PRSS57: variants seen among roughly 807,000 people sequenced by gnomAD.
The protein encoded by PRSS57 is serine protease 57, also known as neutrophil serine protease 4.
A neutral mutation model predicts 20.6 loss-of-function variants in PRSS57; 19 were observed. That is an observed-to-expected ratio of 0.92 (90% CI 0.64 to 1.35). The LOEUF (loss-of-function observed/expected upper bound fraction) is 1.35, where lower values mean the gene tolerates loss of function less well. Ranked by LOEUF, PRSS57 falls within the 40% of genes most tolerant of loss-of-function variation. PRSS57 has a pLI of 0.00. For missense variants in PRSS57, 440 were observed against 403.7 expected (o/e 1.09, Z -0.77); for synonymous variants, 203 against 176.6 (o/e 1.15, Z -1.19).
chr19:688,048 G>A (rs1197847760), intron 3 of PRSS57, among the ~76,000 whole-genome samples: 1 of 152,264 alleles, frequency 6.6e-6, no homozygotes, highest in Non-Finnish European at 1.5e-5. Context: ...TGAAGACTGA[G>A]TGACACCCCG....
At chr19:693,047 C>A (rs1169800966) in intron 2 of PRSS57, among the ~76,000 whole-genome samples, 1 of 151,644 alleles carries the variant, frequency 6.6e-6, no homozygotes, top group African/African-American at 2.4e-5. Flanking sequence ...CCTGCCTCAG[C>A]CTCCTGAATA....
At chr19:686,780 C>T (rs1345621601) in intron 4 of PRSS57, 145 bp downstream of exon 4, 3 of 1,042,412 alleles carry the variant, frequency 2.9e-6, no homozygotes, top group East Asian at 5.0e-5. Context: ...CCCTTGCCAA[C>T]TCCCTGCCTT....
At chr19:693,802 C>G (rs181553974) in intron 2 of PRSS57, among the ~76,000 whole-genome samples, 1 of 152,148 alleles carries the variant, frequency 6.6e-6, no homozygotes, top group East Asian at 1.9e-4. Context: ...TGCAGTGGCG[C>G]GATCTCGGCT....
At chr19:692,566 GCCA>G (rs888882682) in intron 2 of PRSS57, among the ~76,000 whole-genome samples, 35 of 151,292 alleles carry the variant, frequency 2.3e-4, no homozygotes, top group African/African-American at 7.8e-4. Flanking sequence ...ACAGGCGTGC[GCCA>G]CCACTCCCAG....
rs560135877 is a variant in PRSS57 at position 685,850 on chromosome 19, C to T, written c.715G>A (p.Gly239Ser). 2.8e-5 allele frequency: 43 copies of T among 1,560,234 alleles called. 1 individual carries two copies. The Middle Eastern group carries it at 6.6e-4, about 24-fold the overall frequency. The change falls in exon 5 of 5, where the codon GGC (glycine) becomes AGC (serine). Residue 239 changes from glycine to serine, a missense_variant. By Grantham distance (56) the Gly-to-Ser change is moderately conservative. Transcript: ENST00000329267. ...TACACGTCGGGGGTCTTGGGGTCGC[C>T]GCACCAGAGGCCCGAGAAGGAAACG... Reference protein sequence around the residue: ...GLVSFSGLWCGDPKTPDVYTQ... With the variant: ...GLVSFSGLWCSDPKTPDVYTQ...
At chr19:691,497 T>C (rs1406389942) in intron 3 of PRSS57, among the ~76,000 whole-genome samples, 1 of 120,952 alleles carries the variant, frequency 8.3e-6, no homozygotes, top group Non-Finnish European at 1.7e-5. Context: ...AGTTCGAGAC[T>C]CTGACTCAAA....
At position 692,350 on chromosome 19, in the gene PRSS57, C is replaced by T. The variant is rs1290905330; in HGVS notation, c.234-348G>A. ...CACCATTGCACTCCAGCCTGAGCGA[C>T]AGAACAAGACTCCGTCTCAAAAAAA... On this transcript the variant is annotated intron_variant, in intron 2 of 4. Coordinates refer to ENST00000329267, the MANE Select transcript of PRSS57 (RefSeq NM_001308209.2). Among the ~76,000 whole-genome samples, 9 of 149,852 alleles carry T rather than the reference C, an allele frequency of 6.0e-5. No individual in the cohort carries two copies. The South Asian group carries it at 1.9e-3, about 31-fold the overall frequency.
intron 3 of PRSS57, among the ~76,000 whole-genome samples, chr19:689,162 C>G (rs2031563964): frequency 8.3e-6 from 1 of 119,960 alleles, no homozygotes; most frequent in Admixed American, 7.8e-5. Flanking sequence ...AAGGGTGGTC[C>G]AGGGGTTAGC....
chr19:686,260 C>G (rs2031471746), intron 4 of PRSS57, among the ~76,000 whole-genome samples: 1 of 152,122 alleles, frequency 6.6e-6, no homozygotes, highest in Non-Finnish European at 1.5e-5. Flanking sequence ...ACAGGTCTCT[C>G]TGCCTTGCGT....
intron 2 of PRSS57, among the ~76,000 whole-genome samples, chr19:693,186 C>T (rs35313848): frequency 0.15 from 22,278 of 150,070 alleles, 1,775 homozygotes; most frequent in Non-Finnish European, 0.16. Context: ...CTGCCTCGGC[C>T]TCCCAAAGTG....
chr19:693,636 T>C (rs1405121174), intron 2 of PRSS57, among the ~76,000 whole-genome samples: 1 of 152,112 alleles, frequency 6.6e-6, no homozygotes, highest in Non-Finnish European at 1.5e-5. Flanking sequence ...TGGTGCCATC[T>C]CGGCTCACTG....
chr19:688,018 G>A (rs560703564), intron 3 of PRSS57, among the ~76,000 whole-genome samples: 1 of 152,350 alleles, frequency 6.6e-6, no homozygotes, highest in South Asian at 2.1e-4. Flanking sequence ...CCTGCAGCCT[G>A]TTGAGGCCGG....
chr19:692,603 G>C (rs1454516615), intron 2 of PRSS57, among the ~76,000 whole-genome samples: 1 of 151,694 alleles, frequency 6.6e-6, no homozygotes, highest in East Asian at 2.0e-4. Flanking sequence ...TTTCAGTAGA[G>C]ACAGGGTTTC....
intron 3 of PRSS57, among the ~76,000 whole-genome samples, chr19:689,836 T>G (rs10408751): frequency 0.47 from 71,531 of 151,964 alleles, 17,539 homozygotes; most frequent in Middle Eastern, 0.59. Context: ...GGCGGATCAC[T>G]TGAGGACCGG....
At chr19:692,891 T>C (rs1445834735) in intron 2 of PRSS57, among the ~76,000 whole-genome samples, 1 of 151,882 alleles carries the variant, frequency 6.6e-6, no homozygotes, top group Non-Finnish European at 1.5e-5. Flanking sequence ...AATTATAATA[T>C]TAACTACAGT....
chr19:693,229 C>CTTTT (rs1171032187), intron 2 of PRSS57, among the ~76,000 whole-genome samples: 2,590 of 108,664 alleles, frequency 0.024, 415 homozygotes, highest in Non-Finnish European at 0.029. Flanking sequence ...CCGCACCCGG[C>CTTTT]CTTTTTTTTT....
At chr19:692,790 G>A (rs112418024) in intron 2 of PRSS57, among the ~76,000 whole-genome samples, 5,805 of 151,820 alleles carry the variant, frequency 0.038, 180 homozygotes, top group East Asian at 0.16. Flanking sequence ...AGAATTAACT[G>A]CAATAGTTGT....
At chr19:693,230 C>CTT (rs71174316) in intron 2 of PRSS57, among the ~76,000 whole-genome samples, 7 of 131,688 alleles carry the variant, frequency 5.3e-5, no homozygotes, top group East Asian at 4.5e-4. Flanking sequence ...CGCACCCGGC[C>CTT]TTTTTTTTTT....
intron 4 of PRSS57, 75 bp from the exon 5 acceptor site, chr19:685,997 C>A: frequency 7.7e-7 from 1 of 1,293,334 alleles, no homozygotes; most frequent in Non-Finnish European, 1.1e-6. Flanking sequence ...CCCTCCCTGC[C>A]TCAGAACCCT....
Sources: allele counts gnomAD v4.1 joint callset (sites outside exome capture counted in the v4.1 genomes callset), GRCh38; gene constraint gnomAD v4.1.1; transcripts MANE v1.5; gene names NCBI Gene and HGNC (gene_info 2026-07-23, HGNC 2026-07-21).